The following CPN1 variants were observed in gnomAD, a reference collection of about 807,000 sequenced individuals.
CPN1 encodes carboxypeptidase N subunit 1.
A neutral mutation model predicts 46.4 loss-of-function variants in CPN1; 37 were observed. That is an observed-to-expected ratio of 0.80 (90% confidence interval 0.61 to 1.05). The LOEUF (loss-of-function observed/expected upper bound fraction) is 1.05, where lower values mean the gene tolerates loss of function less well. Among genes scored for constraint, CPN1 ranks in the 50% least tolerant of loss-of-function variants. CPN1 has a pLI of 0.00. For synonymous variants in CPN1, 224 were observed against 235.4 expected (o/e 0.95, Z 0.44); for missense variants, 563 against 602.6 (o/e 0.93, Z 0.69).
At chr10:100,079,080 C>T (rs1403573502) in intron 1 of CPN1, among the ~76,000 whole-genome samples, 1 of 152,234 alleles carries the variant, frequency 6.6e-6, no homozygotes, top group Non-Finnish European at 1.5e-5. Flanking sequence ...TTCAAAGCCA[C>T]CTCAGTGGAG....
chr10:100,058,431 A>G (rs759268635), intron 5 of CPN1, among the ~76,000 whole-genome samples: 2 of 152,232 alleles, frequency 1.3e-5, no homozygotes, highest in Non-Finnish European at 2.9e-5. Flanking sequence ...CTCCTGAAGA[A>G]GCAGAAGACA....
At chr10:100,066,828 G>A (rs1411162291) in intron 3 of CPN1, among the ~76,000 whole-genome samples, 4 of 152,178 alleles carry the variant, frequency 2.6e-5, no homozygotes, top group Non-Finnish European at 5.9e-5. Context: ...AATTGCGAGG[G>A]CACCAGTCTT....
At chr10:100,065,486 T>C (rs1589476266) in intron 3 of CPN1, 116 bp from the exon 4 acceptor site, 19 of 1,084,648 alleles carry the variant, frequency 1.8e-5, no homozygotes, top group Non-Finnish European at 2.3e-5. Context: ...GAATGAAACA[T>C]TGAGCGTCCT....
At position 100,046,538 on chromosome 10, in the gene CPN1, C is replaced by T. The variant is rs566757141; in HGVS notation, c.1230+2220G>A. 2.0e-5 allele frequency among the ~76,000 whole-genome samples: 3 copies of T among 152,146 alleles called. No homozygotes were observed. The South Asian group carries it at 6.2e-4, about 32-fold the overall frequency. ...CTGTAATCTCAGCACTTTGGGAGGC[C>T]GAGGAGGGTGGATCACCTGAGGTCA... On this transcript the variant is annotated intron_variant, in intron 8 of 8. Transcript: ENST00000370418.
intron 4 of CPN1, among the ~76,000 whole-genome samples, 194 bp from the exon 5 acceptor site, chr10:100,063,919 T>A (rs2041437114): frequency 1.3e-5 from 2 of 152,012 alleles, no homozygotes; most frequent in African/African-American, 2.4e-5. Context: ...TATATGTAGG[T>A]GGGTATGTGT....
intron 5 of CPN1, among the ~76,000 whole-genome samples, chr10:100,062,569 T>C (rs2041426421): frequency 6.6e-6 from 1 of 151,878 alleles, no homozygotes; most frequent in Non-Finnish European, 1.5e-5. Flanking sequence ...TTAATACTCA[T>C]ATTAAAATTA....
At chr10:100,055,434 T>C (rs1221124701) in intron 6 of CPN1, among the ~76,000 whole-genome samples, 1 of 151,418 alleles carries the variant, frequency 6.6e-6, no homozygotes, top group Non-Finnish European at 1.5e-5. Flanking sequence ...CTAATATAAG[T>C]GGAATAATAC....
intron 5 of CPN1, 122 bp from the exon 6 acceptor site, chr10:100,057,274 TTTTA>T: frequency 2.7e-6 from 3 of 1,100,656 alleles, no homozygotes; most frequent in South Asian, 3.1e-5. Flanking sequence ...TACCTTTTAA[TTTTA>T]TTTATTTCAT....
At chr10:100,081,213 T>A (rs1046736649) in intron 1 of CPN1, among the ~76,000 whole-genome samples, 190 bp downstream of exon 1, 2 of 152,168 alleles carry the variant, frequency 1.3e-5, no homozygotes, top group Non-Finnish European at 2.9e-5. Flanking sequence ...ATCTGAAGGC[T>A]GAAGGAGGGT....
At chr10:100,076,245 G>A in intron 1 of CPN1, 138 bp from the exon 2 acceptor site, 1 of 848,134 alleles carries the variant, frequency 1.2e-6, no homozygotes, top group South Asian at 1.5e-5. Flanking sequence ...AATAATCCCT[G>A]AGCCCCTTCC....
At chr10:100,052,026 A>T (rs889200128) in intron 7 of CPN1, among the ~76,000 whole-genome samples, 2 of 150,634 alleles carry the variant, frequency 1.3e-5, no homozygotes, top group Non-Finnish European at 2.9e-5. Flanking sequence ...TCTGTGCCTC[A>T]GCTTCCCGAG....
chr10:100,049,738 G>T (rs2041338759), intron 7 of CPN1, among the ~76,000 whole-genome samples: 1 of 152,152 alleles, frequency 6.6e-6, no homozygotes, highest in Non-Finnish European at 1.5e-5. Flanking sequence ...AACTAGTAAA[G>T]ATTTAAATCA....
intron 8 of CPN1, among the ~76,000 whole-genome samples, chr10:100,046,349 G>A (rs572103825): frequency 3.3e-5 from 5 of 152,352 alleles, no homozygotes; most frequent in African/African-American, 1.2e-4. Context: ...GCTCACGCCT[G>A]TAATCCCAGT....
Position 100,076,030 on chromosome 10 carries a change from C to A in CPN1, c.301G>T (p.Glu101Ter). The change falls in exon 2 of 9, where the codon GAG becomes TAG. Residue 101 changes from glutamate to a stop codon, truncating the protein, a stop_gained. Coordinates refer to ENST00000370418, the MANE Select transcript of CPN1 (RefSeq NM_001308.3). LOFTEE classifies it high-confidence loss of function. ...TTCCGGAACTCCTCGCACAGAAACTCCGACAGCTGCAGCATCAGCTCGCGG... is the reference window on the plus strand; with the variant it reads ...TTCCGGAACTCCTCGCACAGAAACTACGACAGCTGCAGCATCAGCTCGCGG... ...LGRELMLQLS[E>*]FLCEEFRNRN... 1 of 1,614,192 alleles carries A rather than the reference C, an allele frequency of 6.2e-7. No individual in the cohort carries two copies. The highest frequency in any genetic ancestry group is 1.1e-5 in the South Asian group (1 of 91,084).
At position 100,042,482 on chromosome 10, in the gene CPN1, G is replaced by T. The variant is rs777794294; in HGVS notation, c.1322C>A (p.Pro441His). Residue 441 changes from proline (P) to histidine (H), a missense_variant, in exon 9 of 9, where the codon CCC (proline) becomes CAC (histidine). Coordinates refer to ENST00000370418, the MANE Select transcript of CPN1 (RefSeq NM_001308.3). Reference protein sequence around the residue: ...RRHGVRAKVQPQARKKEMEMR... With the variant: ...RRHGVRAKVQHQARKKEMEMR... ...CTCCATTTCTTTCTTTCTGGCTTGG[G>T]GCTGCACTTTGGCTCTGACTCCGTG... 6.2e-7 allele frequency: 1 copy of T among 1,613,884 alleles called. No individual in the cohort carries two copies. Among genetic ancestry groups the T allele is most frequent in the Non-Finnish European group, 8.5e-7 (1 of 1,180,008 alleles).
At chr10:100,060,391 G>A (rs949574335) in intron 5 of CPN1, among the ~76,000 whole-genome samples, 13 of 152,028 alleles carry the variant, frequency 8.6e-5, no homozygotes, top group Admixed American at 5.2e-4. Context: ...GTGAAACCCC[G>A]TCCCTACTAA....
chr10:100,052,170 A>G (rs552067807), intron 7 of CPN1, among the ~76,000 whole-genome samples: 6 of 151,948 alleles, frequency 3.9e-5, no homozygotes, highest in Admixed American at 2.6e-4. Context: ...TCCTGGGTTC[A>G]AGCGATTCTC....
At position 100,049,789 on chromosome 10, in the gene CPN1, C is replaced by T. The variant is rs567254117; in HGVS notation, c.1112-913G>A. On this transcript the variant is annotated intron_variant, in intron 7 of 8. Transcript: ENST00000370418. ...AATAGGAGTACGGCCTCAGCTCCTA[C>T]GAAGCAGGAATTTTACTGTGCTCTA... Among the ~76,000 whole-genome samples the T allele has an allele frequency of 3.3e-5, 5 of 151,972 alleles. No individual in the cohort carries two copies. The South Asian group carries it at 8.3e-4, about 25-fold the overall frequency.
At chr10:100,080,604 A>G (rs1029316890) in intron 1 of CPN1, among the ~76,000 whole-genome samples, 1 of 152,226 alleles carries the variant, frequency 6.6e-6, no homozygotes, top group South Asian at 2.1e-4. Flanking sequence ...AACTAAAAAA[A>G]GGAATCCAGG....
Sources: allele counts gnomAD v4.1 joint callset (sites outside exome capture counted in the v4.1 genomes callset), GRCh38; gene constraint gnomAD v4.1.1; transcripts MANE v1.5; gene names NCBI Gene and HGNC (gene_info 2026-07-23, HGNC 2026-07-21).